The following NDE1 variants were observed in gnomAD, a reference collection of about 807,000 sequenced individuals.
The protein encoded by NDE1 is nuclear distribution protein nudE homolog 1.
Under a neutral mutation model 43.4 loss-of-function variants are expected in NDE1, and 28 were observed. That is an observed-to-expected ratio of 0.65 (90% CI 0.48 to 0.89). The LOEUF is 0.89. Among genes scored for constraint, NDE1 ranks in the 40% least tolerant of loss-of-function variants. NDE1 has a pLI of 0.00. For missense variants in NDE1, 441 were observed against 434.1 expected (o/e 1.02, Z -0.14); for synonymous variants, 184 against 172.0 (o/e 1.07, Z -0.55).
chr16:15,701,377 T>C (rs2039216057), intron 8 of NDE1: 1 of 152,190 alleles, frequency 6.6e-6, no homozygotes, highest in Non-Finnish European at 1.5e-5. Flanking sequence ...CTGACCTCTT[T>C]TGGCAAACTG....
chr16:15,694,607 C>G (rs1204731108), intron 7 of NDE1: 6 of 984,732 alleles, frequency 6.1e-6, no homozygotes, highest in Middle Eastern at 5.2e-4. Flanking sequence ...GTTGGCCTCC[C>G]AAAGTTCTGG....
intron 4 of NDE1, among the ~76,000 whole-genome samples, chr16:15,683,591 C>T (rs1008675568): frequency 6.6e-6 from 1 of 152,036 alleles, no homozygotes; most frequent in South Asian, 2.1e-4. Flanking sequence ...TGTGATCCAC[C>T]CGCCTCAGCC....
At chr16:15,709,815 C>G (rs922369858) in intron 8 of NDE1, among the ~76,000 whole-genome samples, 1 of 152,176 alleles carries the variant, frequency 6.6e-6, no homozygotes, top group Non-Finnish European at 1.5e-5. Context: ...TGATTACTTG[C>G]TCTTCATTAG....
chr16:15,710,271 C>T (rs1276747983), intron 8 of NDE1, among the ~76,000 whole-genome samples: 2 of 152,116 alleles, frequency 1.3e-5, no homozygotes, highest in African/African-American at 4.8e-5. Flanking sequence ...GCCTGTAACC[C>T]CAGCACTTTG....
At chr16:15,670,640 A>G (rs2037542394) in intron 3 of NDE1, among the ~76,000 whole-genome samples, 1 of 149,830 alleles carries the variant, frequency 6.7e-6, no homozygotes, top group Non-Finnish European at 1.5e-5. Context: ...TTGGGCAACA[A>G]GAGCGAAACT....
intron 8 of NDE1, among the ~76,000 whole-genome samples, chr16:15,708,062 C>T (rs1413373469): frequency 2.0e-5 from 3 of 152,016 alleles, no homozygotes; most frequent in Non-Finnish European, 4.4e-5. Flanking sequence ...GGTATCCACT[C>T]CCCAGTCCCT....
At chr16:15,702,570 CA>C (rs1188841731) in intron 8 of NDE1, among the ~76,000 whole-genome samples, 1 of 150,870 alleles carries the variant, frequency 6.6e-6, no homozygotes, top group African/African-American at 2.4e-5. Context: ...ACAACAACAA[CA>C]AAAAAACACC....
intron 8 of NDE1, chr16:15,703,387 C>G (rs2039289167): frequency 4.2e-6 from 1 of 238,246 alleles, no homozygotes; most frequent in Non-Finnish European, 8.3e-6. Context: ...GGGCCGGCGG[C>G]ACCCATTTCG....
At chr16:15,715,022 C>G in intron 8 of NDE1, 1 of 1,613,904 alleles carries the variant, frequency 6.2e-7, no homozygotes, top group South Asian at 1.1e-5. Context: ...GCTGGGACTC[C>G]TCCTCTGCCT....
intron 8 of NDE1, among the ~76,000 whole-genome samples, chr16:15,706,340 G>A (rs181523246): frequency 2.4e-4 from 37 of 152,254 alleles, no homozygotes; most frequent in Admixed American, 1.3e-3. Flanking sequence ...GCGCAGAGGA[G>A]CAGCAGTTTG....
At chr16:15,654,952 C>T (rs1268137700) in intron 1 of NDE1, among the ~76,000 whole-genome samples, 2 of 151,918 alleles carry the variant, frequency 1.3e-5, no homozygotes, top group East Asian at 3.9e-4. Context: ...AGAACCCTTG[C>T]AAGTCATGTT....
intron 8 of NDE1, among the ~76,000 whole-genome samples, chr16:15,712,044 G>A (rs1201458528): frequency 6.6e-6 from 1 of 152,066 alleles, no homozygotes; most frequent in Admixed American, 6.5e-5. Flanking sequence ...GATGGGATGT[G>A]GGGTATAAAG....
At chr16:15,689,321 C>T (rs1190292526) in intron 5 of NDE1, among the ~76,000 whole-genome samples, 1 of 152,006 alleles carries the variant, frequency 6.6e-6, no homozygotes, top group African/African-American at 2.4e-5. Context: ...GATACCCCAT[C>T]TCTACAAAAA....
At chr16:15,680,268 G>A (rs1315900835) in intron 4 of NDE1, among the ~76,000 whole-genome samples, 1 of 152,072 alleles carries the variant, frequency 6.6e-6, no homozygotes, top group East Asian at 1.9e-4. Context: ...GGCCAGAGAT[G>A]TGGGAAGATA....
chr16:15,694,075 T>C (rs995155029), intron 6 of NDE1, 90 bp from the exon 7 acceptor site: 2 of 1,456,294 alleles, frequency 1.4e-6, no homozygotes, highest in Middle Eastern at 2.4e-4. Context: ...TCAGTGTCCC[T>C]CCTGTCCCGT....
chr16:15,657,165 T>G lies in NDE1; in HGVS notation c.-44+6871T>G, dbSNP rs147692159. Reference sequence around the variant, plus strand: ...CAGGTTGGAGTGCAATGGCGTGATCTTGGCTCACTGCAACCTCCGCCTCCT... The same window carrying G: ...CAGGTTGGAGTGCAATGGCGTGATCGTGGCTCACTGCAACCTCCGCCTCCT... On this transcript the variant is annotated intron_variant, in intron 1 of 8. Coordinates refer to ENST00000396354, the MANE Select transcript of NDE1 (RefSeq NM_017668.3). Among the ~76,000 whole-genome samples, 290 of 152,228 alleles carry G rather than the reference T, an allele frequency of 1.9e-3. 1 individual carries two copies. The highest frequency in any genetic ancestry group is 2.5e-3 in the South Asian group (12 of 4,824).
In NDE1 at chr16:15,687,342, C is replaced by T. The variant is rs776515212; in HGVS notation, c.387-33C>T. On this transcript the variant is annotated intron_variant, in intron 4 of 8. Transcript: ENST00000396354. ...GTGCTGGAGGGATGCTGCGGTTTGTCCTCTTGGATAACTCTGCTTTTCTCT... is the reference window on the plus strand; with the variant it reads ...GTGCTGGAGGGATGCTGCGGTTTGTTCTCTTGGATAACTCTGCTTTTCTCT... 8.7e-6 allele frequency: 14 copies of T among 1,613,750 alleles called. 1 individual carries two copies. The highest frequency in any genetic ancestry group is 2.7e-5 in the African/African-American group (2 of 74,920).
intron 8 of NDE1, among the ~76,000 whole-genome samples, chr16:15,704,636 C>G (rs1190976437): frequency 1.3e-5 from 2 of 152,168 alleles, no homozygotes; most frequent in Admixed American, 1.3e-4. Flanking sequence ...GTGAAATGGA[C>G]AAGGGCAGCC....
At position 15,720,918 on chromosome 16, in the gene NDE1, G is replaced by A. The variant is rs1189029785; in HGVS notation, c.948-3273G>A. 2 of 1,613,908 alleles carry A rather than the reference G, an allele frequency of 1.2e-6. No individual in the cohort carries two copies. The highest frequency in any genetic ancestry group is 1.7e-6 in the Non-Finnish European group (2 of 1,180,000). On this transcript the variant is annotated intron_variant, in intron 8 of 8. Coordinates refer to ENST00000396354, the MANE Select transcript of NDE1 (RefSeq NM_017668.3). ...ATCCCTTTCGAACTGGCCCTTGAGCGCCTGCATGTTGACTTCCAGCCGCAG... is the reference window on the plus strand; with the variant it reads ...ATCCCTTTCGAACTGGCCCTTGAGCACCTGCATGTTGACTTCCAGCCGCAG...
Sources: gnomAD v4.1 joint callset for allele counts (sites outside exome capture counted in the v4.1 genomes callset) on GRCh38, gnomAD v4.1.1 for gene constraint, MANE v1.5 for transcripts, NCBI Gene and HGNC (gene_info 2026-07-23, HGNC 2026-07-21) for gene names.